RIPOR2: variants seen among roughly 807,000 people sequenced by gnomAD.
RIPOR2 encodes RHO family interacting cell polarization regulator 2.
In RIPOR2, 39 loss-of-function variants were observed where a neutral mutation model predicts 114.5. That is an observed-to-expected ratio of 0.34 (90% CI 0.26 to 0.44). The LOEUF is 0.44. Among genes scored for constraint, RIPOR2 ranks in the 20% least tolerant of loss-of-function variants. The pLI is 1.00. For synonymous variants in RIPOR2, 445 were observed against 484.4 expected (o/e 0.92, Z 1.07); for missense variants, 1,007 against 1,255.1 (o/e 0.80, Z 2.99).
intron 1 of RIPOR2, chr6:24,898,555 A>G (rs756736244): frequency 2.6e-5 from 4 of 152,048 alleles, no homozygotes; most frequent in Non-Finnish European, 4.4e-5. Context: ...CCTTTTTTGG[A>G]TCTTTAGAGA....
chr6:24,991,944 G>C (rs1420943205), intron 1 of RIPOR2, among the ~76,000 whole-genome samples: 1 of 152,124 alleles, frequency 6.6e-6, no homozygotes, highest in African/African-American at 2.4e-5. Flanking sequence ...GAGCTCCACA[G>C]AGAGAGTTCA....
intron 1 of RIPOR2, among the ~76,000 whole-genome samples, chr6:24,995,800 A>AC (rs1775017515): frequency 1.5e-5 from 2 of 136,732 alleles, no homozygotes; most frequent in Non-Finnish European, 3.2e-5. Context: ...AACTAGAGTG[A>AC]TTTTTTTTTT....
intron 1 of RIPOR2, among the ~76,000 whole-genome samples, chr6:24,926,166 A>G (rs1347363865): frequency 6.6e-6 from 1 of 152,244 alleles, no homozygotes; most frequent in Non-Finnish European, 1.5e-5. Context: ...GTTTTAACAA[A>G]TACAGAAAGT....
At chr6:25,018,446 C>G (rs1239846899) in intron 1 of RIPOR2, among the ~76,000 whole-genome samples, 2 of 151,964 alleles carry the variant, frequency 1.3e-5, no homozygotes, top group Non-Finnish European at 2.9e-5. Flanking sequence ...ATTTTATTAT[C>G]CAGTTTTTCT....
At chr6:24,988,526 A>G (rs1373567088) in intron 1 of RIPOR2, among the ~76,000 whole-genome samples, 1 of 152,170 alleles carries the variant, frequency 6.6e-6, no homozygotes, top group Non-Finnish European at 1.5e-5. Context: ...CACACTTCCA[A>G]TTGGTATCTT....
chr6:25,005,373 T>C (rs914029535), intron 1 of RIPOR2, among the ~76,000 whole-genome samples: 1 of 152,094 alleles, frequency 6.6e-6, no homozygotes, highest in Non-Finnish European at 1.5e-5. Context: ...AACTCCCCAT[T>C]AATCCATAAG....
intron 1 of RIPOR2, among the ~76,000 whole-genome samples, chr6:24,961,730 TG>T (rs1773318824): frequency 6.6e-6 from 1 of 151,924 alleles, no homozygotes; most frequent in South Asian, 2.1e-4. Flanking sequence ...GTTCAAGTGA[TG>T]CTCCTACCTC....
At chr6:24,828,081 C>A in intron 18 of RIPOR2, 56 bp downstream of exon 18, 2 of 1,400,184 alleles carry the variant, frequency 1.4e-6, no homozygotes, top group Non-Finnish European at 9.5e-7. Flanking sequence ...TTTAAAAGAG[C>A]AGAGATAACG....
At chr6:24,967,909 C>CTTTTTTTT (rs35997558) in intron 1 of RIPOR2, among the ~76,000 whole-genome samples, 1 of 123,518 alleles carries the variant, frequency 8.1e-6, no homozygotes, top group Non-Finnish European at 1.7e-5. Context: ...AGATCTCAAT[C>CTTTTTTTT]TTTTTTTTTT....
chr6:24,811,678 T>A (rs1262110002), intron 20 of RIPOR2, among the ~76,000 whole-genome samples: 1 of 4,256 alleles, frequency 2.3e-4, no homozygotes, highest in Admixed American at 5.3e-3. Context: ...TTTTTTTTCT[T>A]TTTTTTTTTT....
intron 1 of RIPOR2, among the ~76,000 whole-genome samples, chr6:24,916,484 C>G (rs1415674728): frequency 6.6e-6 from 1 of 152,136 alleles, no homozygotes; most frequent in East Asian, 1.9e-4. Flanking sequence ...TAGAGGATAG[C>G]CAATAAATAT....
At chr6:24,892,885 G>A (rs1767505452) in intron 1 of RIPOR2, among the ~76,000 whole-genome samples, 1 of 152,320 alleles carries the variant, frequency 6.6e-6, no homozygotes, top group South Asian at 2.1e-4. Context: ...ATATGTACTA[G>A]ATATTAGATG....
intron 1 of RIPOR2, among the ~76,000 whole-genome samples, chr6:24,927,123 T>TCACCACCACCAC (rs1561782340): frequency 4.8e-4 from 2 of 4,128 alleles, no homozygotes; most frequent in Non-Finnish European, 8.8e-4. Flanking sequence ...ATTATTATAA[T>TCACCACCACCAC]CATCATCTCA....
intron 1 of RIPOR2, among the ~76,000 whole-genome samples, chr6:24,985,366 A>G (rs1457504878): frequency 7.1e-5 from 1 of 14,004 alleles, no homozygotes; most frequent in African/African-American, 1.9e-4. Flanking sequence ...CCATAGACCA[A>G]GTGATTTTTT....
At chr6:24,886,173 G>C (rs527363647) in intron 1 of RIPOR2, among the ~76,000 whole-genome samples, 4 of 152,074 alleles carry the variant, frequency 2.6e-5, no homozygotes, top group African/African-American at 9.7e-5. Context: ...AATCCTATGA[G>C]ACTAATTTGC....
intron 11 of RIPOR2, among the ~76,000 whole-genome samples, chr6:24,849,040 C>T (rs1359249595): frequency 1.3e-5 from 2 of 152,060 alleles, no homozygotes; most frequent in African/African-American, 4.8e-5. Context: ...GAGTAGCTGG[C>T]ATTACAGGTG....
rs1403915574 is a variant in RIPOR2 at position 24,850,031 on chromosome 6, A to G, written c.886-81T>C. ...GAATAATGTGTCATTTTTTTTACTG[A>G]GCTAGGTTGGTCATTTCTTTCAGAA... On this transcript the variant is annotated intron_variant, in intron 10 of 21. Transcript: ENST00000643898. 2.5e-6 allele frequency: 3 copies of G among 1,197,934 alleles called. No homozygotes were observed. In the African/African-American group the frequency reaches 4.6e-5, roughly 19 times the overall value. 74.2% of individuals were successfully genotyped at this position (1,197,934 alleles called of 1,614,324 possible). A position where few individuals can be genotyped will look rare whatever the true frequency, so the allele number is the denominator to read the frequency against.
chr6:25,024,457 G>GA, intron 1 of RIPOR2: 1 of 884,280 alleles, frequency 1.1e-6, no homozygotes, highest in South Asian at 1.3e-5. Context: ...CCATAGGCCA[G>GA]AACTCTCATG....
At chr6:24,979,587 G>A (rs1666267074) in intron 1 of RIPOR2, among the ~76,000 whole-genome samples, 1 of 152,170 alleles carries the variant, frequency 6.6e-6, no homozygotes, top group Non-Finnish European at 1.5e-5. Flanking sequence ...GCATGTTAAT[G>A]GGAAGCCTCC....
Sources: gnomAD v4.1 joint callset for allele counts (sites outside exome capture counted in the v4.1 genomes callset) on GRCh38, gnomAD v4.1.1 for gene constraint, MANE v1.5 for transcripts, NCBI Gene and HGNC (gene_info 2026-07-23, HGNC 2026-07-21) for gene names.